The following DTNA variants were observed in gnomAD, a reference collection of about 807,000 sequenced individuals.
DTNA encodes the protein dystrophin-related protein 3.
Under a neutral mutation model 100.7 loss-of-function variants are expected in DTNA, and 43 were observed. That is an observed-to-expected ratio of 0.43 (90% CI 0.33 to 0.55). DTNA has a LOEUF of 0.55. Ranked by LOEUF, DTNA falls within the 20% of genes least tolerant of loss-of-function variation. The pLI is 0.04. For missense variants in DTNA, 798 were observed against 953.9 expected (o/e 0.84, Z 2.15); for synonymous variants, 349 against 347.9 (o/e 1.00, Z -0.04).
chr18:34,642,891 G>C (rs1259309378), intron 1 of DTNA, among the ~76,000 whole-genome samples: 1 of 152,020 alleles, frequency 6.6e-6, no homozygotes, highest in Non-Finnish European at 1.5e-5. Context: ...TGCTGCCTTG[G>C]CTCCAGTGTG....
At chr18:34,722,758 A>C (rs1192158948) in intron 1 of DTNA, among the ~76,000 whole-genome samples, 1 of 152,160 alleles carries the variant, frequency 6.6e-6, no homozygotes, top group Non-Finnish European at 1.5e-5. Context: ...ATGAATTTTC[A>C]GTCACTATAG....
intron 3 of DTNA, among the ~76,000 whole-genome samples, chr18:34,784,810 T>C (rs2094452170): frequency 1.3e-5 from 2 of 152,214 alleles, no homozygotes; most frequent in Non-Finnish European, 2.9e-5. Flanking sequence ...TTGAAACTAT[T>C]ATGGAATCTA....
chr18:34,832,583 A>G (rs1743577696), intron 11 of DTNA, among the ~76,000 whole-genome samples: 1 of 152,216 alleles, frequency 6.6e-6, no homozygotes, highest in African/African-American at 2.4e-5. Context: ...GGTACAATGT[A>G]GTAAATTAAA....
intron 1 of DTNA, among the ~76,000 whole-genome samples, chr18:34,532,351 A>C (rs570372598): frequency 6.6e-6 from 1 of 152,210 alleles, no homozygotes; most frequent in South Asian, 2.1e-4. Context: ...AGTTGGAAAA[A>C]ATGTGCTGGT....
chr18:34,652,082 AAAAG>A lies in DTNA; in HGVS notation c.-1-103893_-1-103890del, dbSNP rs1481934925. On this transcript the variant is annotated intron_variant, in intron 1 of 19. Transcript: ENST00000283365. ...CCCTGTCTCAAAAGAAAGAAAAGAA[AAAAG>A]GAAGGAAGGAAGGAAGGTAGGAAGG... Among the ~76,000 whole-genome samples, 5 of 119,710 alleles carry A rather than the reference AAAAG, an allele frequency of 4.2e-5. No homozygotes were observed. In the South Asian group the frequency reaches 6.4e-4, roughly 15 times the overall value. The allele number at this position is 119,710 out of a possible 152,430, so 78.5% of individuals were successfully genotyped here. A position where few individuals can be genotyped will look rare whatever the true frequency, so the allele number is the denominator to read the frequency against.
chr18:34,584,524 G>A (rs564565580), intron 1 of DTNA, among the ~76,000 whole-genome samples: 1 of 148,620 alleles, frequency 6.7e-6, no homozygotes, highest in South Asian at 2.1e-4. Context: ...GAACAAAGAT[G>A]AGAGACTCTT....
intron 1 of DTNA, among the ~76,000 whole-genome samples, chr18:34,598,404 C>T (rs951501457): frequency 3.3e-5 from 5 of 152,178 alleles, no homozygotes; most frequent in Admixed American, 2.6e-4. Flanking sequence ...GGGAAAATGT[C>T]AATGAGGCAC....
intron 1 of DTNA, among the ~76,000 whole-genome samples, chr18:34,753,366 ATTTTTTTTTTT>A (rs757853063): frequency 7.5e-6 from 1 of 133,150 alleles, no homozygotes; most frequent in African/African-American, 3.2e-5. Context: ...TATTTATTTT[ATTTTTTTTTTT>A]TTTTTATTTT....
chr18:34,548,133 C>A (rs915575761), intron 1 of DTNA, among the ~76,000 whole-genome samples: 4 of 152,130 alleles, frequency 2.6e-5, no homozygotes, highest in Non-Finnish European at 5.9e-5. Flanking sequence ...TGATTTTCCT[C>A]TTTTAATGAA....
chr18:34,667,141 C>G (rs955061101), intron 1 of DTNA, among the ~76,000 whole-genome samples: 3 of 152,160 alleles, frequency 2.0e-5, no homozygotes, highest in African/African-American at 7.2e-5. Flanking sequence ...TCCTTCACAT[C>G]CCTTGTAAGA....
chr18:34,686,150 C>A (rs1365250775), intron 1 of DTNA, among the ~76,000 whole-genome samples: 1 of 152,168 alleles, frequency 6.6e-6, no homozygotes, highest in Non-Finnish European at 1.5e-5. Flanking sequence ...TGCCTGATTG[C>A]CCTGGCCAGG....
chr18:34,639,795 A>T (rs952798534), intron 1 of DTNA, among the ~76,000 whole-genome samples: 1 of 152,152 alleles, frequency 6.6e-6, no homozygotes, highest in Non-Finnish European at 1.5e-5. Context: ...CCTTATTCTT[A>T]TTCTGCTCCC....
chr18:34,663,848 A>G (rs2075539285), intron 1 of DTNA, among the ~76,000 whole-genome samples: 1 of 152,190 alleles, frequency 6.6e-6, no homozygotes, highest in Non-Finnish European at 1.5e-5. Context: ...AACAAAAGTA[A>G]TTTTTTGTTA....
chr18:34,546,660 G>A (rs927524911), intron 1 of DTNA, among the ~76,000 whole-genome samples: 1 of 152,250 alleles, frequency 6.6e-6, no homozygotes, highest in South Asian at 2.1e-4. Flanking sequence ...GTGACATTTT[G>A]TGGCTAAAAT....
At chr18:34,698,622 C>A (rs969903691) in intron 1 of DTNA, among the ~76,000 whole-genome samples, 1 of 152,164 alleles carries the variant, frequency 6.6e-6, no homozygotes, top group Non-Finnish European at 1.5e-5. Flanking sequence ...GGAGTATTGA[C>A]TCACACGATC....
chr18:34,770,025 G>A (rs1010118798), intron 3 of DTNA, among the ~76,000 whole-genome samples: 2 of 151,866 alleles, frequency 1.3e-5, no homozygotes, highest in Non-Finnish European at 2.9e-5. Context: ...CTGGCCTGGG[G>A]CCTCTTTTAT....
At chr18:34,869,443 A>G (rs1603306609) in intron 17 of DTNA, among the ~76,000 whole-genome samples, 1 of 152,238 alleles carries the variant, frequency 6.6e-6, no homozygotes, top group South Asian at 2.1e-4. Flanking sequence ...GTAGAAAAAA[A>G]GAGTCATTTT....
chr18:34,756,114 A>G (rs2148230059), intron 2 of DTNA, 71 bp downstream of exon 2: 1 of 1,484,916 alleles, frequency 6.7e-7, no homozygotes, highest in East Asian at 2.4e-5. Flanking sequence ...AGAAATAACC[A>G]TTTATCTTTA....
chr18:34,715,486 ATTT>A (rs2083849283), intron 1 of DTNA, among the ~76,000 whole-genome samples: 1 of 149,152 alleles, frequency 6.7e-6, no homozygotes, highest in Non-Finnish European at 1.5e-5. Context: ...TTTTTTAATT[ATTT>A]ATTTTAAATA....
Sources: gnomAD v4.1 joint callset for allele counts (sites outside exome capture counted in the v4.1 genomes callset) on GRCh38, gnomAD v4.1.1 for gene constraint, MANE v1.5 for transcripts, NCBI Gene and HGNC (gene_info 2026-07-23, HGNC 2026-07-21) for gene names.